Variants in LYPD6 observed in about 807,000 individuals in gnomAD.
The protein encoded by LYPD6 is ly6/PLAUR domain-containing protein 6.
In LYPD6, 15 loss-of-function variants were observed where a neutral mutation model predicts 22.7. The observed-to-expected ratio is 0.66, with a 90% CI of 0.44 to 1.02. The LOEUF (loss-of-function observed/expected upper bound fraction) is 1.02. Ranked by LOEUF, LYPD6 falls within the 50% of genes least tolerant of loss-of-function variation. The pLI is 0.00. For missense variants in LYPD6, 189 were observed against 208.4 expected (o/e 0.91, Z 0.57); for synonymous variants, 72 against 77.5 (o/e 0.93, Z 0.37).
intron 1 of LYPD6, among the ~76,000 whole-genome samples, chr2:149,393,500 A>G (rs1044792144): frequency 1.3e-4 from 20 of 152,346 alleles, no homozygotes; most frequent in Middle Eastern, 3.4e-3. Flanking sequence ...TTCAGGTACT[A>G]AAGAGCCAGT....
At chr2:149,382,505 T>C (rs974323432) in intron 1 of LYPD6, among the ~76,000 whole-genome samples, 2 of 152,190 alleles carry the variant, frequency 1.3e-5, no homozygotes, top group Non-Finnish European at 2.9e-5. Flanking sequence ...GAATATTTGC[T>C]CATTTCTTTC....
chr2:149,367,315 G>C (rs956440301), intron 1 of LYPD6, among the ~76,000 whole-genome samples: 1 of 152,160 alleles, frequency 6.6e-6, no homozygotes, highest in Non-Finnish European at 1.5e-5. Flanking sequence ...CTTTTGGACT[G>C]AGGGCCTCAG....
rs541905872 is a variant in LYPD6 at position 149,473,097 on chromosome 2, A to G, written c.*2247A>G. 1.6e-4 allele frequency: 25 copies of G among 152,590 alleles called. No individual in the cohort carries two copies. Among genetic ancestry groups the G allele is most frequent in the Non-Finnish European group, 2.1e-4 (14 of 68,030 alleles). The allele number at this position is 152,590 out of a possible 1,614,324, so 9.5% of individuals were successfully genotyped here. A position where few individuals can be genotyped will look rare whatever the true frequency, so the allele number is the denominator to read the frequency against. On this transcript the variant is annotated 3_prime_UTR_variant, in exon 5 of 5. Coordinates refer to ENST00000334166, the MANE Select transcript of LYPD6 (RefSeq NM_194317.5). ...ACAATGAAAGTTTGATGTTGTACATACCTACAAGTACCATTTTTGTGCATG... is the reference window on the plus strand; with the variant it reads ...ACAATGAAAGTTTGATGTTGTACATGCCTACAAGTACCATTTTTGTGCATG...
chr2:149,363,144 T>C (rs1245101257), intron 1 of LYPD6, among the ~76,000 whole-genome samples: 1 of 152,194 alleles, frequency 6.6e-6, no homozygotes, highest in East Asian at 1.9e-4. Context: ...TGGGTTAGTA[T>C]GTTCTGAACC....
chr2:149,342,538 C>A (rs115518368), intron 1 of LYPD6, among the ~76,000 whole-genome samples: 2,183 of 152,160 alleles, frequency 0.014, 53 homozygotes, highest in African/African-American at 0.05. Flanking sequence ...GCCAATATAG[C>A]AAATTTACTA....
At chr2:149,408,857 C>G (rs1040293833) in intron 1 of LYPD6, among the ~76,000 whole-genome samples, 4 of 152,188 alleles carry the variant, frequency 2.6e-5, no homozygotes, top group Non-Finnish European at 5.9e-5. Context: ...TTGCCTTTCT[C>G]TGTTGCCTCC....
Position 149,460,946 on chromosome 2 carries a change from C to T in LYPD6, c.218-7699C>T, listed in dbSNP as rs143563924. On this transcript the variant is annotated intron_variant, in intron 3 of 4. Coordinates refer to ENST00000334166, the MANE Select transcript of LYPD6 (RefSeq NM_194317.5). ...GACAATGAACTGAATGAAATTAAAA[C>T]ATATGAAAATTTGTAGGACACAGCA... Among the ~76,000 whole-genome samples the T allele has an allele frequency of 3.6e-3, 549 of 152,076 alleles. 4 individuals carry two copies. The highest frequency in any genetic ancestry group is 0.013 in the African/African-American group (521 of 41,544).
In LYPD6 at chr2:149,471,911, C is replaced by T. The variant is rs886116515; in HGVS notation, c.*1061C>T. The T allele has an allele frequency of 6.6e-6, 1 of 152,534 alleles. No individual in the cohort carries two copies. The highest frequency in any genetic ancestry group is 1.5e-5 in the Non-Finnish European group (1 of 68,028). The allele number at this position is 152,534 out of a possible 1,614,324, so 9.4% of individuals were successfully genotyped here. ...AATTGTCTTTCGAATGATGGGGAAG[C>T]AAGGCATAATATGCGATGATGAGGA... On this transcript the variant is annotated 3_prime_UTR_variant, in exon 5 of 5. Coordinates refer to ENST00000334166, the MANE Select transcript of LYPD6 (RefSeq NM_194317.5).
At chr2:149,363,414 C>A (rs1681605962) in intron 1 of LYPD6, among the ~76,000 whole-genome samples, 1 of 152,126 alleles carries the variant, frequency 6.6e-6, no homozygotes, top group Non-Finnish European at 1.5e-5. Context: ...ATCACACTAC[C>A]CAATATGTGA....
At chr2:149,413,917 A>T (rs1406892037) in intron 1 of LYPD6, among the ~76,000 whole-genome samples, 2 of 152,250 alleles carry the variant, frequency 1.3e-5, no homozygotes, top group East Asian at 3.9e-4. Context: ...ATAAGAACAT[A>T]TCTTATAACC....
chr2:149,459,101 CCA>C (rs1445868135), intron 3 of LYPD6, among the ~76,000 whole-genome samples: 1 of 152,094 alleles, frequency 6.6e-6, no homozygotes, highest in Non-Finnish European at 1.5e-5. Context: ...CTAAAGCAAT[CCA>C]CACAAAAACA....
intron 1 of LYPD6, among the ~76,000 whole-genome samples, chr2:149,331,231 C>T (rs1019852968): frequency 3.3e-5 from 5 of 152,160 alleles, no homozygotes; most frequent in African/African-American, 1.2e-4. Context: ...CCCGCCGCTG[C>T]AAGACCACGC....
chr2:149,480,962 C>T, the LYPD6 span, among the ~76,000 whole-genome samples: 1 of 152,210 alleles, frequency 6.6e-6, no homozygotes, highest in African/African-American at 2.4e-5. Context: ...ACTGAAACTT[C>T]ATTGCAGCCC....
intron 1 of LYPD6, among the ~76,000 whole-genome samples, chr2:149,393,574 C>T (rs1054274328): frequency 3.3e-5 from 5 of 152,224 alleles, no homozygotes; most frequent in African/African-American, 1.2e-4. Context: ...GGCAGCCTCA[C>T]CAAGATGGAG....
chr2:149,462,952 A>G (rs1681119485), intron 3 of LYPD6, among the ~76,000 whole-genome samples: 1 of 152,120 alleles, frequency 6.6e-6, no homozygotes, highest in African/African-American at 2.4e-5. Flanking sequence ...AGGAAAAAAT[A>G]GAAGAAAATC....
At chr2:149,458,072 A>G (rs1446972046) in intron 3 of LYPD6, among the ~76,000 whole-genome samples, 26 of 152,338 alleles carry the variant, frequency 1.7e-4, no homozygotes, top group Admixed American at 1.6e-3. Flanking sequence ...GCAAAACACT[A>G]TGGAAAAAAT....
intron 1 of LYPD6, among the ~76,000 whole-genome samples, chr2:149,357,858 T>C (rs1355435498): frequency 6.6e-6 from 1 of 150,650 alleles, no homozygotes; most frequent in Non-Finnish European, 1.5e-5. Context: ...CAATTTCGGC[T>C]CATTTCAACC....
chr2:149,442,795 G>A (rs1450335470), intron 2 of LYPD6, among the ~76,000 whole-genome samples: 1 of 152,172 alleles, frequency 6.6e-6, no homozygotes. Flanking sequence ...ATTATCCACT[G>A]AAAGCAGTAT....
intron 1 of LYPD6, among the ~76,000 whole-genome samples, chr2:149,385,238 T>A (rs952347498): frequency 2.0e-5 from 3 of 152,130 alleles, no homozygotes; most frequent in African/African-American, 7.2e-5. Context: ...GTATTCACTG[T>A]GTGTAAACCC....
Sources: allele counts gnomAD v4.1 joint callset (sites outside exome capture counted in the v4.1 genomes callset), GRCh38; gene constraint gnomAD v4.1.1; transcripts MANE v1.5; gene names NCBI Gene and HGNC (gene_info 2026-07-23, HGNC 2026-07-21).